The following PATL2 variants were observed in gnomAD, a reference collection of about 807,000 sequenced individuals.
The protein encoded by PATL2 is PAT1 homolog 2.
Under a neutral mutation model 77.0 loss-of-function variants are expected in PATL2, and 73 were observed. The observed-to-expected ratio is 0.95, with a 90% confidence interval of 0.78 to 1.15. The LOEUF is 1.15. Among genes scored for constraint, PATL2 ranks in the 50% most tolerant of loss-of-function variants. The pLI is 0.00. For synonymous variants in PATL2, 265 were observed against 257.1 expected, an observed-to-expected ratio of 1.03 and a Z score of -0.29; for missense variants, 618 against 655.4, an observed-to-expected ratio of 0.94 and a Z score of 0.62.
At chr15:44,705,832 TG>T (rs1271839593) in intron 3 of PATL2, among the ~76,000 whole-genome samples, 4 of 151,702 alleles carry the variant, frequency 2.6e-5, no homozygotes, top group African/African-American at 9.7e-5. Flanking sequence ...GACAGAGTCT[TG>T]CTCAGTTGCC....
rs2085842543 is a variant in PATL2, at chr15:44,674,306, G to A, written c.223-76C>T. On this transcript the variant is annotated intron_variant, in intron 5 of 17. Coordinates refer to ENST00000682850, the MANE Select transcript of PATL2 (RefSeq NM_001387263.1). ...TTCTGCATTCACCTGTGTTTTTGAG[G>A]TGGTGGGAGGAAGCAGCAAGACCAG... 7 of 1,156,942 alleles carry A rather than the reference G, an allele frequency of 6.1e-6. No individual in the cohort carries two copies. In the South Asian group the frequency reaches 6.2e-5, roughly 10 times the overall value. 71.7% of individuals were successfully genotyped at this position (1,156,942 alleles called of 1,614,324 possible).
intron 3 of PATL2, among the ~76,000 whole-genome samples, chr15:44,707,934 G>A (rs141707444): frequency 2.0e-5 from 3 of 152,356 alleles, no homozygotes; most frequent in African/African-American, 7.2e-5. Context: ...TTTGCCTCTA[G>A]CTAGGGCTGG....
At position 44,667,147 on chromosome 15, in the gene PATL2, C is replaced by A; in HGVS notation, c.1422G>T (p.Leu474=). The A allele has an allele frequency of 6.4e-7, 1 of 1,551,634 alleles. No homozygotes were observed. The highest frequency in any genetic ancestry group is 8.7e-7 in the Non-Finnish European group (1 of 1,146,966). Residue 474 remains leucine, a synonymous_variant, in exon 16 of 18, where the codon CTG becomes CTT. Coordinates refer to ENST00000682850, the MANE Select transcript of PATL2 (RefSeq NM_001387263.1). The stretch of plus-strand genomic sequence containing the variant: ...TGTTGGGTTCCTCTAGGGAAGAATG[C>A]AGCGATACCAGTTGCTCCCCATGGC... ...LLSHGEQLVS[L]HSSLEEPNSD... is the part of the protein sequence containing the mutation.
chr15:44,667,360 A>C (rs2085429484), intron 15 of PATL2, 157 bp from the exon 16 acceptor site: 6 of 616,796 alleles, frequency 9.7e-6, no homozygotes, highest in Admixed American at 5.5e-5. Context: ...CTGGTGAGCC[A>C]AAGAACTCTC....
intron 9 of PATL2, among the ~76,000 whole-genome samples, chr15:44,670,468 A>G (rs549991243): frequency 4.6e-5 from 7 of 152,234 alleles, no homozygotes; most frequent in Non-Finnish European, 1.0e-4. Flanking sequence ...TGCTGGGATT[A>G]CAGGCGAGCC....
intron 3 of PATL2, among the ~76,000 whole-genome samples, chr15:44,692,556 G>A (rs1213020772): frequency 6.6e-6 from 1 of 152,208 alleles, no homozygotes; most frequent in Non-Finnish European, 1.5e-5. Flanking sequence ...TATAACCAGA[G>A]CCTATGAGCT....
chr15:44,695,251 A>G (rs1423025669), intron 3 of PATL2, among the ~76,000 whole-genome samples: 1 of 152,100 alleles, frequency 6.6e-6, no homozygotes, highest in East Asian at 1.9e-4. Flanking sequence ...TAAGAAATTA[A>G]TTAGGGTACA....
chr15:44,692,467 T>G (rs895315182), intron 3 of PATL2, among the ~76,000 whole-genome samples: 2 of 152,210 alleles, frequency 1.3e-5, no homozygotes, highest in African/African-American at 4.8e-5. Context: ...AAAGTTCATA[T>G]TCTTTACCTT....
intron 5 of PATL2, chr15:44,675,237 C>T (rs914954884): frequency 2.1e-5 from 10 of 473,752 alleles, no homozygotes; most frequent in Middle Eastern, 5.5e-4. Flanking sequence ...GCAGGGCCAC[C>T]GCCTGTGGGC....
At chr15:44,672,201 C>G in intron 8 of PATL2, 45 bp from the exon 9 acceptor site, 2 of 1,551,540 alleles carry the variant, frequency 1.3e-6, no homozygotes, top group Non-Finnish European at 8.7e-7. Context: ...CCACCACTGG[C>G]ACTTCCTAAG....
chr15:44,667,593 G>C (rs1048953430), intron 15 of PATL2, among the ~76,000 whole-genome samples: 55 of 152,316 alleles, frequency 3.6e-4, no homozygotes, highest in African/African-American at 1.3e-3. Flanking sequence ...TATTAGAAGA[G>C]AGCATCAAAA....
At chr15:44,704,013 G>A (rs1324693790) in intron 3 of PATL2, among the ~76,000 whole-genome samples, 2 of 151,428 alleles carry the variant, frequency 1.3e-5, no homozygotes, top group Admixed American at 1.3e-4. Flanking sequence ...TTTGAGATGG[G>A]GATCTCGCTT....
intron 9 of PATL2, 136 bp downstream of exon 9, chr15:44,671,879 C>A: frequency 9.3e-7 from 1 of 1,072,418 alleles, no homozygotes; most frequent in South Asian, 1.8e-5. Flanking sequence ...AAATACGGCC[C>A]CCATCCTGTA....
chr15:44,711,201 G>A lies in PATL2; in HGVS notation c.-435C>T. 4.1e-6 allele frequency: 2 copies of A among 488,482 alleles called. No homozygotes were observed. The highest frequency in any genetic ancestry group is 4.3e-5 in the South Asian group (2 of 46,902). The allele number at this position is 488,482 out of a possible 1,614,324, so 30.3% of individuals were successfully genotyped here. ...TTAGCAAGTCACTTAGCATCTCTGGGGCCAGTCTGCAAAGCGAGGGGGCAG... is the reference window on the plus strand; with the variant it reads ...TTAGCAAGTCACTTAGCATCTCTGGAGCCAGTCTGCAAAGCGAGGGGGCAG... On this transcript the variant is annotated 5_prime_UTR_variant, in exon 1 of 18. Coordinates refer to ENST00000682850, the MANE Select transcript of PATL2 (RefSeq NM_001387263.1).
At chr15:44,668,920 G>A (rs2141171115) in intron 14 of PATL2, 60 bp downstream of exon 14, 2 of 1,447,598 alleles carry the variant, frequency 1.4e-6, no homozygotes, top group Admixed American at 2.6e-5. Flanking sequence ...GACTGGAGGG[G>A]AGGAATGACC....
chr15:44,673,235 C>A lies in PATL2; in HGVS notation c.446G>T (p.Ser149Ile), dbSNP rs2085777751. The A allele has an allele frequency of 2.6e-6, 4 of 1,551,160 alleles. No homozygotes were observed. The highest frequency in any genetic ancestry group is 3.5e-6 in the Non-Finnish European group (4 of 1,146,920). The change falls in exon 7 of 18, where the codon AGT becomes ATT. Residue 149 changes from serine (S) to isoleucine (I), a missense_variant and splice_region_variant. By Grantham distance (142) the Ser-to-Ile change is moderately radical. Transcript: ENST00000682850. ...SLLTSWPPRF[S>I]HLTQLHPRHQ... ...TCTGGGGAGAACCTCAAACCAGTAC[C>A]TGAACCTAGGGGGCCACGAGGTCAG...
rs955282288 is a variant in PATL2, at chr15:44,672,025, T to C, written c.647A>G (p.Tyr216Cys). The C allele has an allele frequency of 1.0e-5, 16 of 1,551,582 alleles. No individual in the cohort carries two copies. The African/African-American group carries it at 1.2e-4, about 12-fold the overall frequency. ...LQSAKPRLDD[Y>C]YYQEYYQKLE... The stretch of plus-strand genomic sequence containing the variant: ...TACTGCGGGGCTCACCTGGTAATAG[T>C]AGTCATCCAGGCGGGGTTTTGCACT... The change falls in exon 9 of 18, where the codon TAC becomes TGC. Residue 216 changes from tyrosine (Y) to cysteine (C), a missense_variant. Transcript: ENST00000682850.
intron 8 of PATL2, 59 bp downstream of exon 8, chr15:44,672,329 A>G (rs1357552919): frequency 6.5e-7 from 1 of 1,533,804 alleles, no homozygotes; most frequent in African/African-American, 1.4e-5. Flanking sequence ...ACTGGTCACA[A>G]GGGGAGACCC....
At chr15:44,671,463 T>C (rs1365831610) in intron 9 of PATL2, among the ~76,000 whole-genome samples, 2 of 150,358 alleles carry the variant, frequency 1.3e-5, no homozygotes, top group African/African-American at 2.5e-5. Context: ...CACTTCAGCC[T>C]GGATGACAGA....
Sources: gnomAD v4.1 joint callset for allele counts (sites outside exome capture counted in the v4.1 genomes callset) on GRCh38, gnomAD v4.1.1 for gene constraint, MANE v1.5 for transcripts, NCBI Gene and HGNC (gene_info 2026-07-23, HGNC 2026-07-21) for gene names.